Variants in CSMD3 observed in about 807,000 individuals in gnomAD.
The protein encoded by CSMD3 is CUB and sushi domain-containing protein 3.
A neutral mutation model predicts 435.2 loss-of-function variants in CSMD3; 177 were observed. The ratio of observed to expected loss-of-function variants is 0.41; its 90% CI spans 0.36 to 0.46. CSMD3 has a LOEUF of 0.46. Ranked by LOEUF, CSMD3 falls within the 20% of genes least tolerant of loss-of-function variation. CSMD3 has a pLI of 0.34. For synonymous variants in CSMD3, 1,656 were observed against 1,520.5 expected (o/e 1.09, Z -2.07); for missense variants, 4,265 against 4,504.6 (o/e 0.95, Z 1.52).
rs543565990 is a variant in CSMD3, at chr8:112,237,527, T to C, written c.10469-179A>G. Among the ~76,000 whole-genome samples, 85 of 152,214 alleles carry C rather than the reference T, an allele frequency of 5.6e-4. 1 individual carries two copies. The highest frequency in any genetic ancestry group is 1.1e-3 in the Non-Finnish European group (72 of 67,956). The stretch of plus-strand genomic sequence containing the variant: ...TTCCATTTTTTAGAATAAATCCACA[T>C]TGTAATAATCTAGATTTGTTCATAT... On this transcript the variant is annotated intron_variant, in intron 66 of 70. Coordinates refer to ENST00000297405, the MANE Select transcript of CSMD3 (RefSeq NM_198123.2).
intron 5 of CSMD3, among the ~76,000 whole-genome samples, chr8:113,059,260 C>A (rs557094777): frequency 6.6e-6 from 1 of 152,052 alleles, no homozygotes; most frequent in Non-Finnish European, 1.5e-5. Context: ...CTGCATGAAA[C>A]AAAGCTTATT....
At chr8:112,758,172 G>A (rs1320593913) in intron 13 of CSMD3, among the ~76,000 whole-genome samples, 1 of 151,298 alleles carries the variant, frequency 6.6e-6, no homozygotes, top group Admixed American at 6.6e-5. Context: ...GGCCAAGATA[G>A]TGAAACCCCA....
At chr8:112,317,133 T>C (rs1586750921) in intron 47 of CSMD3, among the ~76,000 whole-genome samples, 1 of 152,056 alleles carries the variant, frequency 6.6e-6, no homozygotes, top group African/African-American at 2.4e-5. Context: ...TATTAGCTAG[T>C]ATCTGAAGTG....
At chr8:112,488,825 T>C (rs900534159) in intron 31 of CSMD3, among the ~76,000 whole-genome samples, 8 of 152,102 alleles carry the variant, frequency 5.3e-5, no homozygotes, top group Admixed American at 2.6e-4. Flanking sequence ...TTATCTAGAA[T>C]TGGTAAATAA....
chr8:112,863,787 C>T (rs889641008), intron 10 of CSMD3, among the ~76,000 whole-genome samples: 1 of 151,872 alleles, frequency 6.6e-6, no homozygotes, highest in Non-Finnish European at 1.5e-5. Context: ...TAAAGTAGTA[C>T]ATTTGAGAAA....
At chr8:112,668,292 T>C (rs2131717772) in intron 16 of CSMD3, among the ~76,000 whole-genome samples, 1 of 152,248 alleles carries the variant, frequency 6.6e-6, no homozygotes, top group South Asian at 2.1e-4. Flanking sequence ...TAAATTACCA[T>C]ATTTTACAAG....
At chr8:112,831,810 A>G (rs2079884351) in intron 11 of CSMD3, among the ~76,000 whole-genome samples, 1 of 152,148 alleles carries the variant, frequency 6.6e-6, no homozygotes, top group African/African-American at 2.4e-5. Context: ...GAAGCTGCTT[A>G]TAATGGAAAT....
At chr8:112,290,046 A>G (rs1484104284) in intron 56 of CSMD3, among the ~76,000 whole-genome samples, 1 of 152,132 alleles carries the variant, frequency 6.6e-6, no homozygotes, top group East Asian at 1.9e-4. Context: ...ACAATTTAAT[A>G]TATAGTCTAG....
chr8:113,178,362 T>C (rs958770374), intron 3 of CSMD3, among the ~76,000 whole-genome samples: 2 of 151,928 alleles, frequency 1.3e-5, no homozygotes, highest in African/African-American at 4.8e-5. Context: ...CATTTCACAA[T>C]TACATATTGC....
At chr8:112,854,756 CATTTCTGCCA>C (rs1395311279) in intron 11 of CSMD3, among the ~76,000 whole-genome samples, 1 of 152,142 alleles carries the variant, frequency 6.6e-6, no homozygotes, top group East Asian at 1.9e-4. Context: ...TTTTCAGAGT[CATTTCTGCCA>C]ATTTCTGCCA....
At chr8:113,364,214 T>C (rs1223469882) in intron 1 of CSMD3, among the ~76,000 whole-genome samples, 5 of 151,964 alleles carry the variant, frequency 3.3e-5, no homozygotes, top group Admixed American at 6.6e-5. Context: ...GAGTGTGATG[T>C]AGGGCAATCT....
At chr8:113,429,568 A>C (rs752109471) in intron 1 of CSMD3, among the ~76,000 whole-genome samples, 2 of 152,040 alleles carry the variant, frequency 1.3e-5, no homozygotes, top group Non-Finnish European at 2.9e-5. Flanking sequence ...AAAGTTTTTC[A>C]CTCCATAATT....
chr8:112,944,571 A>G (rs1433971451), intron 9 of CSMD3, among the ~76,000 whole-genome samples: 2 of 151,698 alleles, frequency 1.3e-5, no homozygotes, highest in Non-Finnish European at 3.0e-5. Flanking sequence ...CAAGCTGTAA[A>G]CTATCTGAAC....
intron 9 of CSMD3, among the ~76,000 whole-genome samples, chr8:112,928,533 T>C (rs199535669): frequency 4.6e-5 from 7 of 151,914 alleles, no homozygotes; most frequent in Admixed American, 6.6e-5. Context: ...TGAGAATATG[T>C]GGTGTTTGGT....
At chr8:112,914,396 C>T (rs1290579566) in intron 10 of CSMD3, among the ~76,000 whole-genome samples, 1 of 151,758 alleles carries the variant, frequency 6.6e-6, no homozygotes, top group Non-Finnish European at 1.5e-5. Flanking sequence ...GTAAACAAAA[C>T]ATCCATTCAT....
intron 13 of CSMD3, among the ~76,000 whole-genome samples, chr8:112,740,299 G>A (rs2077275320): frequency 6.6e-6 from 1 of 151,490 alleles, no homozygotes; most frequent in Non-Finnish European, 1.5e-5. Context: ...TCTTGGCCAT[G>A]TTTTGATGAA....
At chr8:112,826,410 T>C (rs890953778) in intron 12 of CSMD3, among the ~76,000 whole-genome samples, 4 of 152,180 alleles carry the variant, frequency 2.6e-5, no homozygotes, top group Admixed American at 1.3e-4. Flanking sequence ...TGAGTGGCTA[T>C]TGAGAATCTG....
intron 7 of CSMD3, among the ~76,000 whole-genome samples, chr8:112,960,115 G>T (rs1455310649): frequency 2.0e-5 from 3 of 151,592 alleles, no homozygotes; most frequent in African/African-American, 7.3e-5. Flanking sequence ...GTATAAAGAT[G>T]ACTTTTTTTT....
chr8:112,541,696 C>T (rs563163680), intron 27 of CSMD3, among the ~76,000 whole-genome samples: 53 of 151,914 alleles, frequency 3.5e-4, no homozygotes, highest in African/African-American at 1.2e-3. Context: ...AATTTCTATC[C>T]TTCTCAAACT....
Sources: allele counts gnomAD v4.1 joint callset (sites outside exome capture counted in the v4.1 genomes callset), GRCh38; gene constraint gnomAD v4.1.1; transcripts MANE v1.5; gene names NCBI Gene and HGNC (gene_info 2026-07-23, HGNC 2026-07-21).